The following DZIP1L variants were observed in gnomAD, a reference collection of about 807,000 sequenced individuals.
DZIP1L encodes the protein DAZ interacting zinc finger protein 1 like, also known as cilium assembly protein DZIP1L.
Under a neutral mutation model 88.7 loss-of-function variants are expected in DZIP1L, and 90 were observed. That is an observed-to-expected ratio of 1.02 (90% CI 0.86 to 1.21). DZIP1L has a LOEUF of 1.21. Ranked by LOEUF, DZIP1L falls within the 50% of genes most tolerant of loss-of-function variation. The probability of loss-of-function intolerance (pLI) is 0.00; values close to 1 mark genes in which losing one functional copy is unlikely to be tolerated. For missense variants in DZIP1L, 932 were observed against 955.8 expected, an observed-to-expected ratio of 0.98 and a Z score of 0.33; for synonymous variants, 363 against 372.1, an observed-to-expected ratio of 0.98 and a Z score of 0.28.
intron 6 of DZIP1L, 52 bp from the exon 7 acceptor site, chr3:138,087,075 GT>G: frequency 6.4e-7 from 1 of 1,567,872 alleles, no homozygotes; most frequent in Non-Finnish European, 8.8e-7. Flanking sequence ...ATTAAAACAT[GT>G]TATAAAGCTA....
chr3:138,071,984 C>T (rs1943203336), intron 11 of DZIP1L, 149 bp from the exon 12 acceptor site: 2 of 789,226 alleles, frequency 2.5e-6, no homozygotes, highest in East Asian at 5.4e-5. Flanking sequence ...AAATGAGGAT[C>T]AGAGAAGGGT....
At position 138,088,235 on chromosome 3, in the gene DZIP1L, T is replaced by C. The variant is rs1944036355; in HGVS notation, c.999+144A>G. 2.9e-5 allele frequency: 35 copies of C among 1,198,138 alleles called. No individual in the cohort carries two copies. In the South Asian group the frequency reaches 5.7e-4, roughly 19 times the overall value. 74.2% of individuals were successfully genotyped at this position (1,198,138 alleles called of 1,614,324 possible). A position where few individuals can be genotyped will look rare whatever the true frequency, so the allele number is the denominator to read the frequency against. On this transcript the variant is annotated intron_variant, in intron 6 of 15. Coordinates refer to ENST00000327532, the MANE Select transcript of DZIP1L (RefSeq NM_173543.3). ...AGCCTCACCTGAGAACCCTATTCTA[T>C]GCTTTCATGTACTGGCAGAAGGTCT...
At chr3:138,068,844 A>C in intron 12 of DZIP1L, 1 of 1,140,274 alleles carries the variant, frequency 8.8e-7, no homozygotes. Flanking sequence ...GGCAGTACCA[A>C]GGCAGGCAAT....
intron 12 of DZIP1L, among the ~76,000 whole-genome samples, chr3:138,071,402 C>T (rs1177758285): frequency 2.0e-5 from 3 of 152,312 alleles, no homozygotes; most frequent in African/African-American, 4.8e-5. Flanking sequence ...GCTCCAGCTC[C>T]GGCTCTCCTC....
chr3:138,099,511 A>G (rs1011668699), intron 2 of DZIP1L, among the ~76,000 whole-genome samples: 4 of 152,226 alleles, frequency 2.6e-5, no homozygotes, highest in African/African-American at 7.2e-5. Flanking sequence ...TGGAATCTCC[A>G]GAGTAATAAG....
chr3:138,107,992 T>C (rs1232352033), intron 1 of DZIP1L, among the ~76,000 whole-genome samples: 1 of 152,154 alleles, frequency 6.6e-6, no homozygotes, highest in African/African-American at 2.4e-5. Context: ...ACCCCCACCA[T>C]GGCCATGAGA....
chr3:138,062,811 G>T lies in DZIP1L; in HGVS notation c.*5C>A, dbSNP rs1396610498. 1.2e-6 allele frequency: 2 copies of T among 1,613,662 alleles called. No homozygotes were observed. Among genetic ancestry groups the T allele is most frequent in the East Asian group, 4.5e-5 (2 of 44,892 alleles). ...ACCCTCTAGCCAGCTAGCTTCTGGG[G>T]TGAATCACCAGGCAGGGACCCTGGG... On this transcript the variant is annotated 3_prime_UTR_variant, in exon 16 of 16. Coordinates refer to ENST00000327532, the MANE Select transcript of DZIP1L (RefSeq NM_173543.3).
At chr3:138,085,554 G>A (rs1408275444) in intron 7 of DZIP1L, among the ~76,000 whole-genome samples, 2 of 152,170 alleles carry the variant, frequency 1.3e-5, no homozygotes, top group Non-Finnish European at 2.9e-5. Context: ...AAACCACAAT[G>A]AGATACCATC....
In DZIP1L at chr3:138,092,556, A is replaced by C; in HGVS notation, c.709-12T>G. 6.4e-7 allele frequency: 1 copy of C among 1,555,984 alleles called. No individual in the cohort carries two copies. Among genetic ancestry groups the C allele is most frequent in the East Asian group, 2.3e-5 (1 of 43,574 alleles). On this transcript the variant is annotated splice_polypyrimidine_tract_variant and intron_variant, in intron 4 of 15. Coordinates refer to ENST00000327532, the MANE Select transcript of DZIP1L (RefSeq NM_173543.3). ...ATGAGCTCTGCTTCCTAAAAAGAAG[A>C]GCAAGAACAATATGATGATTAATTC...
intron 2 of DZIP1L, chr3:138,102,777 C>T: frequency 1.3e-6 from 1 of 762,282 alleles, no homozygotes; most frequent in Non-Finnish European, 2.4e-6. Flanking sequence ...CCAGGTCACC[C>T]CGGAAGCTGC....
chr3:138,102,494 T>G, intron 2 of DZIP1L: 1 of 1,343,952 alleles, frequency 7.4e-7, no homozygotes, highest in Non-Finnish European at 1.1e-6. Context: ...TTGATGTAGC[T>G]CTGAACATGT....
chr3:138,080,992 A>G (rs1340590289), intron 9 of DZIP1L, among the ~76,000 whole-genome samples: 6 of 152,172 alleles, frequency 3.9e-5, no homozygotes, highest in African/African-American at 1.2e-4. Flanking sequence ...CCATCCCTCA[A>G]GAGGGTCTCC....
At chr3:138,093,129 T>C (rs1252042989) in intron 4 of DZIP1L, among the ~76,000 whole-genome samples, 1 of 152,222 alleles carries the variant, frequency 6.6e-6, no homozygotes, top group African/African-American at 2.4e-5. Context: ...ATGTATTTCT[T>C]AAATAATAAA....
chr3:138,069,055 A>G, intron 12 of DZIP1L: 1 of 1,210,476 alleles, frequency 8.3e-7, no homozygotes, highest in Non-Finnish European at 1.1e-6. Context: ...TTGACCCCGA[A>G]ACAACGTGGG....
chr3:138,092,345 C>T, intron 5 of DZIP1L, 38 bp downstream of exon 5: 1 of 1,486,166 alleles, frequency 6.7e-7, no homozygotes. Context: ...AGCAGATTTC[C>T]AACAAAGAAA....
At chr3:138,112,022 G>C (rs1221831425) in intron 1 of DZIP1L, among the ~76,000 whole-genome samples, 1 of 151,616 alleles carries the variant, frequency 6.6e-6, no homozygotes, top group Admixed American at 6.6e-5. Flanking sequence ...AAAAAAGATG[G>C]AGCAGAACTG....
chr3:138,067,529 A>C lies in DZIP1L; in HGVS notation c.2002+2T>G. 6.3e-7 allele frequency: 1 copy of C among 1,594,866 alleles called. No homozygotes were observed. Among genetic ancestry groups the C allele is most frequent in the East Asian group, 2.3e-5 (1 of 43,182 alleles). On this transcript the variant is annotated splice_donor_variant, in intron 14 of 15. Coordinates refer to ENST00000327532, the MANE Select transcript of DZIP1L (RefSeq NM_173543.3). LOFTEE classifies it high-confidence loss of function. ...CCCACTCACCCAAAGGTGCCAGCTC[A>C]CCTGAGCCCTGGCCAGGGGGCTGGG...
intron 2 of DZIP1L, chr3:138,102,030 T>C (rs1195629455): frequency 4.8e-6 from 7 of 1,469,096 alleles, no homozygotes; most frequent in Non-Finnish European, 6.6e-6. Context: ...GTCATCTCCA[T>C]GCTTCCCAGC....
chr3:138,101,295 T>A (rs2042301171), intron 2 of DZIP1L, among the ~76,000 whole-genome samples: 1 of 151,952 alleles, frequency 6.6e-6, no homozygotes, highest in Non-Finnish European at 1.5e-5. Flanking sequence ...TGAATTGTTT[T>A]GTAGCTGGAG....
Sources: gnomAD v4.1 joint callset for allele counts (sites outside exome capture counted in the v4.1 genomes callset) on GRCh38, gnomAD v4.1.1 for gene constraint, MANE v1.5 for transcripts, NCBI Gene and HGNC (gene_info 2026-07-23, HGNC 2026-07-21) for gene names.